COL13A1: variants seen among roughly 807,000 people sequenced by gnomAD.
COL13A1 encodes the protein collagen type XIII alpha 1 chain.
Under a neutral mutation model 130.9 loss-of-function variants are expected in COL13A1, and 89 were observed. That is an observed-to-expected ratio of 0.68 (90% CI 0.57 to 0.81). The LOEUF (loss-of-function observed/expected upper bound fraction) is 0.81. Among genes scored for constraint, COL13A1 ranks in the 30% least tolerant of loss-of-function variants. COL13A1 has a pLI of 0.00. For missense variants in COL13A1, 879 were observed against 934.6 expected (o/e 0.94, Z 0.78); for synonymous variants, 402 against 341.6 (o/e 1.18, Z -1.95).
At chr10:69,823,556 CG>C (rs1256921005) in intron 2 of COL13A1, among the ~76,000 whole-genome samples, 4 of 152,154 alleles carry the variant, frequency 2.6e-5, no homozygotes, top group African/African-American at 7.2e-5. Context: ...CCTCAGAAGC[CG>C]AGGGACCCAA....
intron 2 of COL13A1, among the ~76,000 whole-genome samples, chr10:69,837,523 C>T (rs772665175): frequency 6.6e-6 from 1 of 152,240 alleles, no homozygotes; most frequent in Non-Finnish European, 1.5e-5. Context: ...GCAAAAGATG[C>T]TGCCACAGAA....
At chr10:69,937,747 G>A (rs1287711979) in intron 34 of COL13A1, 32 bp downstream of exon 34, 7 of 990,528 alleles carry the variant, frequency 7.1e-6, no homozygotes, top group Non-Finnish European at 1.1e-5. Context: ...AGACTGGTGG[G>A]TTTGATGGGC....
chr10:69,806,401 C>T (rs898587278), intron 1 of COL13A1, among the ~76,000 whole-genome samples: 17 of 152,300 alleles, frequency 1.1e-4, no homozygotes, highest in African/African-American at 3.8e-4. Flanking sequence ...GACAGGAGGC[C>T]TGAGAGGGGA....
intron 30 of COL13A1, chr10:69,931,253 T>C (rs1437894480): frequency 2.2e-6 from 1 of 455,182 alleles, no homozygotes; most frequent in East Asian, 7.0e-5. Context: ...TCCTGAGGTT[T>C]ACAGTGAAGC....
rs968288567 is a variant in COL13A1, at chr10:69,867,735, C to T, written c.365-63C>T. 2.4e-5 allele frequency: 17 copies of T among 715,160 alleles called. No homozygotes were observed. The Middle Eastern group carries it at 1.1e-3, about 48-fold the overall frequency. 44.3% of individuals were successfully genotyped at this position (715,160 alleles called of 1,614,324 possible). On this transcript the variant is annotated intron_variant, in intron 2 of 40. Transcript: ENST00000645393. ...GAATCCTTGGACACTGCTTCCAAGG[C>T]GGCCTCCCCACCGCCCCCTACAGCA...
At chr10:69,821,748 G>A (rs146413351) in intron 1 of COL13A1, among the ~76,000 whole-genome samples, 131 of 152,294 alleles carry the variant, frequency 8.6e-4, no homozygotes, top group African/African-American at 2.9e-3. Context: ...TGGTCATTAC[G>A]CTTGCTCTTC....
chr10:69,884,311 T>C (rs117648271), intron 7 of COL13A1, among the ~76,000 whole-genome samples: 9,392 of 152,208 alleles, frequency 0.062, 349 homozygotes, highest in Non-Finnish European at 0.083. Context: ...ACCACAGACA[T>C]TGGCAGGTGC....
chr10:69,848,609 G>A (rs1219859388), intron 2 of COL13A1, among the ~76,000 whole-genome samples: 1 of 152,206 alleles, frequency 6.6e-6, no homozygotes, highest in Non-Finnish European at 1.5e-5. Context: ...AGCAAGAACA[G>A]CCAACAGGTG....
rs78907513 is a variant in COL13A1 at position 69,856,599 on chromosome 10, G to A, written c.365-11199G>A. Among the ~76,000 whole-genome samples, 1,201 of 152,330 alleles carry A rather than the reference G, an allele frequency of 7.9e-3. 17 individuals carry two copies. Among genetic ancestry groups the A allele is most frequent in the African/African-American group, 0.028 (1,149 of 41,564 alleles). On this transcript the variant is annotated intron_variant, in intron 2 of 40. Transcript: ENST00000645393. ...ATAATTCACTGAATATTTTGATGTC[G>A]TGGGGTTGTGGTAAATCAAAGCCAG...
chr10:69,860,191 G>A (rs1403665613), intron 2 of COL13A1, among the ~76,000 whole-genome samples: 1 of 152,200 alleles, frequency 6.6e-6, no homozygotes, highest in Non-Finnish European at 1.5e-5. Flanking sequence ...CCTGCTCCAG[G>A]GAAAAGCTGC....
intron 30 of COL13A1, among the ~76,000 whole-genome samples, chr10:69,931,693 A>G (rs777124750): frequency 2.0e-5 from 3 of 152,154 alleles, no homozygotes; most frequent in South Asian, 2.1e-4. Flanking sequence ...ATTCCTGGAT[A>G]TGGTGTGGAA....
rs749559620 is a variant in COL13A1 at position 69,932,580 on chromosome 10, G to T, written c.1704G>T (p.Gly568=). The change falls in exon 31 of 41, where the codon GGG becomes GGT. Residue 568 remains glycine (G), a synonymous_variant. Transcript: ENST00000645393. ...CACAGGGAGAGAAAGGAGAAGCCGGGGAGAAGGGCAATCCAGGAGCAGAGG... is the reference window on the plus strand; with the variant it reads ...CACAGGGAGAGAAAGGAGAAGCCGGTGAGAAGGGCAATCCAGGAGCAGAGG... ...AGSPGEKGEA[G]EKGNPGAEVP... is the part of the protein sequence containing the mutation. 3 of 1,611,564 alleles carry T rather than the reference G, an allele frequency of 1.9e-6. No individual in the cohort carries two copies. Among genetic ancestry groups the T allele is most frequent in the Non-Finnish European group, 2.5e-6 (3 of 1,177,868 alleles).
chr10:69,852,216 A>G lies in COL13A1; in HGVS notation c.365-15582A>G, dbSNP rs141417603. ...CCCAAATTCCAGCCCCGTCTACTAT[A>G]TTTGCATATTGTAACTTCTCATAGC... On this transcript the variant is annotated intron_variant, in intron 2 of 40. Coordinates refer to ENST00000645393, the MANE Select transcript of COL13A1 (RefSeq NM_001368882.1). Among the ~76,000 whole-genome samples, 76 of 152,172 alleles carry G rather than the reference A, an allele frequency of 5.0e-4. 1 individual carries two copies. In the East Asian group the frequency reaches 0.013, roughly 26 times the overall value.
At chr10:69,815,574 G>C (rs1187080746) in intron 1 of COL13A1, among the ~76,000 whole-genome samples, 1 of 152,206 alleles carries the variant, frequency 6.6e-6, no homozygotes, top group East Asian at 1.9e-4. Flanking sequence ...GGTGGCCTAA[G>C]TAGGTGAAGC....
At chr10:69,826,898 T>A (rs896451919) in intron 2 of COL13A1, among the ~76,000 whole-genome samples, 9 of 152,154 alleles carry the variant, frequency 5.9e-5, no homozygotes, top group African/African-American at 2.2e-4. Context: ...AAGTGGAGTA[T>A]GTGCTCAAAC....
rs1297023799 is a variant in COL13A1 at position 69,888,331 on chromosome 10, G to A, written c.576+1G>A. 6.2e-7 allele frequency: 1 copy of A among 1,612,596 alleles called. No homozygotes were observed. The highest frequency in any genetic ancestry group is 8.5e-7 in the Non-Finnish European group (1 of 1,179,412). The stretch of plus-strand genomic sequence containing the variant: ...TCCCATTGGGCTGGACGGCAAACCG[G>A]TAAGTGGACCCGCTCTCTCCCCTCA... On this transcript the variant is annotated splice_donor_variant, in intron 9 of 40. Transcript: ENST00000645393. LOFTEE classifies it high-confidence loss of function.
intron 38 of COL13A1, among the ~76,000 whole-genome samples, chr10:69,950,682 T>C (rs546490365): frequency 6.2e-4 from 94 of 152,354 alleles, no homozygotes; most frequent in African/African-American, 2.2e-3. Flanking sequence ...GATGGGAATA[T>C]ACCTAATATG....
chr10:69,829,789 G>A (rs142211707), intron 2 of COL13A1, among the ~76,000 whole-genome samples: 220 of 152,320 alleles, frequency 1.4e-3, no homozygotes, highest in African/African-American at 4.8e-3. Context: ...CAGGTGCTGC[G>A]CGGCTGCTAA....
chr10:69,928,885 C>A (rs1165407794), intron 27 of COL13A1, 52 bp from the exon 28 acceptor site: 16 of 1,430,134 alleles, frequency 1.1e-5, no homozygotes, highest in Non-Finnish European at 1.5e-5. Context: ...AGGGCACAGG[C>A]TACCCTCCTC....
Sources: gnomAD v4.1 joint callset for allele counts (sites outside exome capture counted in the v4.1 genomes callset) on GRCh38, gnomAD v4.1.1 for gene constraint, MANE v1.5 for transcripts, NCBI Gene and HGNC (gene_info 2026-07-23, HGNC 2026-07-21) for gene names.